REEP3: variants seen among roughly 807,000 people sequenced by gnomAD.
REEP3 encodes the protein receptor accessory protein 3, also known as receptor expression-enhancing protein 3.
REEP3 carries 20 observed loss-of-function variants against 41.3 expected under a neutral mutation model. The observed-to-expected ratio is 0.48, with a 90% CI of 0.34 to 0.70. The LOEUF is 0.70. Among genes scored for constraint, REEP3 ranks in the 30% least tolerant of loss-of-function variants. The pLI, the probability that REEP3 is intolerant of heterozygous loss-of-function variation, is 0.01. For synonymous variants in REEP3, 104 were observed against 101.8 expected, an observed-to-expected ratio of 1.02 and a Z score of -0.13; for missense variants, 271 against 308.8, an observed-to-expected ratio of 0.88 and a Z score of 0.92.
chr10:63,558,651 T>C (rs1955712949), intron 1 of REEP3, among the ~76,000 whole-genome samples: 1 of 151,972 alleles, frequency 6.6e-6, no homozygotes, highest in South Asian at 2.1e-4. Context: ...TAGCCAGGCA[T>C]GGTGGCACTT....
At chr10:63,567,702 G>T (rs1203959063) in intron 2 of REEP3, among the ~76,000 whole-genome samples, 1 of 152,160 alleles carries the variant, frequency 6.6e-6, no homozygotes, top group Non-Finnish European at 1.5e-5. Flanking sequence ...GGGATATATA[G>T]CTGTGGTTCT....
chr10:63,564,624 A>G (rs1955779546), intron 1 of REEP3, among the ~76,000 whole-genome samples: 1 of 150,986 alleles, frequency 6.6e-6, no homozygotes, highest in African/African-American at 2.4e-5. Flanking sequence ...CTGTCTCAGA[A>G]AAAAAAAAAG....
chr10:63,562,506 C>A (rs547115382), intron 1 of REEP3: 97 of 455,404 alleles, frequency 2.1e-4, no homozygotes, highest in Middle Eastern at 3.2e-4. Flanking sequence ...ATCCATCCCC[C>A]TCAACCTCCC....
chr10:63,551,212 A>G (rs773640962), intron 1 of REEP3, among the ~76,000 whole-genome samples: 3 of 152,212 alleles, frequency 2.0e-5, no homozygotes, highest in Admixed American at 6.5e-5. Context: ...AAACAAAAAC[A>G]ATGTAGGTAT....
intron 1 of REEP3, among the ~76,000 whole-genome samples, chr10:63,558,742 C>A (rs924595294): frequency 6.6e-6 from 1 of 150,998 alleles, no homozygotes; most frequent in Non-Finnish European, 1.5e-5. Context: ...GACTCTGTGT[C>A]AAAAAAAATA....
chr10:63,620,235 C>T (rs1375166589), intron 7 of REEP3, among the ~76,000 whole-genome samples: 1 of 152,100 alleles, frequency 6.6e-6, no homozygotes, highest in Admixed American at 6.6e-5. Context: ...ACCTGGCCAG[C>T]AGTTTATATT....
At chr10:63,566,044 C>T (rs949282452) in intron 1 of REEP3, among the ~76,000 whole-genome samples, 9 of 151,926 alleles carry the variant, frequency 5.9e-5, no homozygotes, top group Admixed American at 2.0e-4. Context: ...CCGCCACGCC[C>T]GGCTAATTTT....
At chr10:63,562,258 T>G (rs1589867776) in intron 1 of REEP3, among the ~76,000 whole-genome samples, 1 of 150,582 alleles carries the variant, frequency 6.6e-6, no homozygotes, top group Non-Finnish European at 1.5e-5. Context: ...AGGCAGAGTT[T>G]TTTTTTTTTT....
chr10:63,562,726 T>G, intron 1 of REEP3: 2 of 420,840 alleles, frequency 4.8e-6, no homozygotes, highest in South Asian at 3.5e-5. Context: ...GTAAACAAAC[T>G]AACTATAAAT....
At chr10:63,588,925 G>C (rs1019448834) in intron 2 of REEP3, among the ~76,000 whole-genome samples, 1 of 152,148 alleles carries the variant, frequency 6.6e-6, no homozygotes, top group Non-Finnish European at 1.5e-5. Context: ...CATGCAAAAG[G>C]CCTCGAGGCA....
intron 1 of REEP3, among the ~76,000 whole-genome samples, chr10:63,535,422 C>T (rs190173257): frequency 7.2e-4 from 109 of 152,176 alleles, no homozygotes; most frequent in Non-Finnish European, 1.1e-3. Flanking sequence ...AGTTCATCTC[C>T]TAAAAAGTCT....
chr10:63,564,031 A>G (rs1245609324), intron 1 of REEP3, among the ~76,000 whole-genome samples: 1 of 152,236 alleles, frequency 6.6e-6, no homozygotes, highest in Admixed American at 6.5e-5. Context: ...GAATAGAGAA[A>G]GGAGACTAGG....
chr10:63,598,415 C>T (rs113902852), intron 4 of REEP3, among the ~76,000 whole-genome samples: 5,283 of 135,184 alleles, frequency 0.039, 313 homozygotes, highest in East Asian at 0.32. Context: ...ACCCAGGAGA[C>T]GGAGGTTGCA....
intron 3 of REEP3, among the ~76,000 whole-genome samples, chr10:63,595,672 G>T (rs1956107800): frequency 6.6e-6 from 1 of 151,980 alleles, no homozygotes; most frequent in Non-Finnish European, 1.5e-5. Context: ...TACCTCCCGG[G>T]TTCAAGCGAT....
At chr10:63,613,618 G>A (rs550694988) in intron 6 of REEP3, among the ~76,000 whole-genome samples, 1 of 152,272 alleles carries the variant, frequency 6.6e-6, no homozygotes, top group African/African-American at 2.4e-5. Flanking sequence ...CGGAATAGGT[G>A]AAGAGAAGTT....
At chr10:63,556,626 G>GTTTTTTTTTTTT (rs367820586) in intron 1 of REEP3, among the ~76,000 whole-genome samples, 1 of 87,106 alleles carries the variant, frequency 1.1e-5, no homozygotes, top group African/African-American at 4.1e-5. Context: ...TTTTTTTTTT[G>GTTTTTTTTTTTT]TTGTTTTGTT....
chr10:63,599,292 T>C lies in REEP3; in HGVS notation c.417+9T>C. 3.2e-6 allele frequency: 4 copies of C among 1,252,384 alleles called. No homozygotes were observed. The highest frequency in any genetic ancestry group is 4.4e-6 in the Non-Finnish European group (4 of 901,152). The allele number at this position is 1,252,384 out of a possible 1,614,324, so 77.6% of individuals were successfully genotyped here. A position where few individuals can be genotyped will look rare whatever the true frequency, so the allele number is the denominator to read the frequency against. On this transcript the variant is annotated intron_variant, in intron 5 of 7. Coordinates refer to ENST00000373758, the MANE Select transcript of REEP3 (RefSeq NM_001001330.3). The stretch of plus-strand genomic sequence containing the variant: ...TTACTGCAGCAGTAAAGGTAATTGT[T>C]CATTTACCTTTTTAATCCAATGTCA...
chr10:63,542,112 C>G (rs1008866983), intron 1 of REEP3, among the ~76,000 whole-genome samples: 1 of 150,184 alleles, frequency 6.7e-6, no homozygotes, highest in East Asian at 1.9e-4. Context: ...CAGAGTCTCA[C>G]TCTGTTGCCC....
At chr10:63,544,975 A>G (rs989833199) in intron 1 of REEP3, among the ~76,000 whole-genome samples, 1 of 152,182 alleles carries the variant, frequency 6.6e-6, no homozygotes, top group Non-Finnish European at 1.5e-5. Flanking sequence ...ATACAAAGGA[A>G]CAGTGATTTC....
Sources: allele counts gnomAD v4.1 joint callset (sites outside exome capture counted in the v4.1 genomes callset), GRCh38; gene constraint gnomAD v4.1.1; transcripts MANE v1.5; gene names NCBI Gene and HGNC (gene_info 2026-07-23, HGNC 2026-07-21).